ARHGEF28: variants seen among roughly 807,000 people sequenced by gnomAD.
ARHGEF28 encodes the protein Rho guanine nucleotide exchange factor 28.
In ARHGEF28, 152 loss-of-function variants were observed where a neutral mutation model predicts 206.6. That is an observed-to-expected ratio of 0.74 (90% CI 0.64 to 0.84). The LOEUF is 0.84. ARHGEF28 is among the 40% of genes least tolerant of loss of function. The probability of loss-of-function intolerance (pLI) is 0.00; values close to 1 mark genes in which losing one functional copy is unlikely to be tolerated. For synonymous variants in ARHGEF28, 763 were observed against 776.4 expected (o/e 0.98, Z 0.29); for missense variants, 2,028 against 2,073.2 (o/e 0.98, Z 0.42).
At chr5:73,773,805 A>C (rs1753377607) in intron 4 of ARHGEF28, 50 bp from the exon 5 acceptor site, 1 of 1,479,636 alleles carries the variant, frequency 6.8e-7, no homozygotes, top group Non-Finnish European at 9.0e-7. Flanking sequence ...TGTGTAAAAC[A>C]AACTTTGTAA....
At chr5:73,835,196 G>A in intron 10 of ARHGEF28, 1 of 152,474 alleles carries the variant, frequency 6.6e-6, no homozygotes, top group Non-Finnish European at 1.5e-5. Context: ...GACGGGCCGG[G>A]CACGGTGGCT....
At chr5:73,854,825 C>T (rs963866532) in intron 14 of ARHGEF28, among the ~76,000 whole-genome samples, 1 of 151,174 alleles carries the variant, frequency 6.6e-6, no homozygotes, top group Non-Finnish European at 1.5e-5. Context: ...GAGCCAGACT[C>T]CATCTCAAAA....
rs1381192976 is a variant in ARHGEF28 at position 73,662,603 on chromosome 5, A to G, written c.-11-22238A>G. The stretch of plus-strand genomic sequence containing the variant: ...TATACATTTTTAATTTTCTTCACAA[A>G]ATATTTGAAATATTAGAATACAACT... On this transcript the variant is annotated intron_variant, in intron 1 of 35. Transcript: ENST00000513042. 2.0e-5 allele frequency among the ~76,000 whole-genome samples: 3 copies of G among 152,236 alleles called. No homozygotes were observed. The East Asian group carries it at 5.8e-4, about 29-fold the overall frequency.
intron 9 of ARHGEF28, among the ~76,000 whole-genome samples, chr5:73,802,642 T>C (rs923116168): frequency 1.3e-5 from 2 of 152,024 alleles, no homozygotes; most frequent in African/African-American, 4.8e-5. Context: ...ATAGAAACTC[T>C]TAAGAAAGTG....
At chr5:73,628,606 G>T (rs982252244) in intron 1 of ARHGEF28, among the ~76,000 whole-genome samples, 1 of 152,034 alleles carries the variant, frequency 6.6e-6, no homozygotes, top group Admixed American at 6.5e-5. Flanking sequence ...TCCCCCCACC[G>T]GCCCCCGCCC....
At chr5:73,650,751 C>A (rs866670937) in intron 1 of ARHGEF28, among the ~76,000 whole-genome samples, 1 of 151,172 alleles carries the variant, frequency 6.6e-6, no homozygotes, top group Non-Finnish European at 1.5e-5. Context: ...CGGGTTCAAG[C>A]GATCCTCCCA....
chr5:73,788,931 T>TG (rs1355359476), intron 7 of ARHGEF28, among the ~76,000 whole-genome samples: 1 of 151,938 alleles, frequency 6.6e-6, no homozygotes, highest in Non-Finnish European at 1.5e-5. Flanking sequence ...TGGGCAGGGG[T>TG]GGGGGTTCAG....
intron 1 of ARHGEF28, among the ~76,000 whole-genome samples, chr5:73,661,834 C>T (rs571794272): frequency 1.9e-4 from 29 of 152,238 alleles, no homozygotes; most frequent in African/African-American, 7.0e-4. Flanking sequence ...GGTCATAGAT[C>T]ACCATGCCAG....
chr5:73,905,630 C>G (rs1030068707), intron 33 of ARHGEF28, among the ~76,000 whole-genome samples: 1 of 152,106 alleles, frequency 6.6e-6, no homozygotes, highest in Admixed American at 6.5e-5. Flanking sequence ...TCTCTGTCAT[C>G]AACTATTATT....
chr5:73,735,351 C>T (rs1455691788), intron 2 of ARHGEF28, among the ~76,000 whole-genome samples: 1 of 152,062 alleles, frequency 6.6e-6, no homozygotes, highest in African/African-American at 2.4e-5. Context: ...CTAAGATAGG[C>T]AGGCACTGTT....
intron 2 of ARHGEF28, among the ~76,000 whole-genome samples, chr5:73,749,270 G>C (rs879711702): frequency 7.9e-5 from 12 of 152,180 alleles, no homozygotes; most frequent in Non-Finnish European, 1.6e-4. Flanking sequence ...ACAGGGTGAG[G>C]CCAGAGCTAA....
chr5:73,765,212 G>T (rs1752829981), intron 4 of ARHGEF28, among the ~76,000 whole-genome samples: 1 of 152,172 alleles, frequency 6.6e-6, no homozygotes, highest in Admixed American at 6.5e-5. Context: ...GTGATTTCAT[G>T]GGCCAGATAT....
At chr5:73,721,345 C>T (rs1423316636) in intron 2 of ARHGEF28, among the ~76,000 whole-genome samples, 1 of 152,172 alleles carries the variant, frequency 6.6e-6, no homozygotes, top group Non-Finnish European at 1.5e-5. Context: ...TCTTGAGTCA[C>T]TGCCTACATG....
chr5:73,749,939 A>G lies in ARHGEF28; in HGVS notation c.136A>G (p.Ile46Val), dbSNP rs201946269. The change falls in exon 3 of 36, where the codon ATT becomes GTT. Residue 46 changes from isoleucine (I) to valine (V), a missense_variant. By Grantham distance (29) the Ile-to-Val change is conservative (BLOSUM62 3). Transcript: ENST00000513042. ...CGGATCTCATCAGCGACATGTCATG[A>G]TTGCAGAGCGCATCGAGGATAACGT... is the stretch of plus-strand genomic sequence containing the variant. ...YDGSHQRHVM[I>V]AERIEDNVLQ... 58 of 1,613,886 alleles carry G rather than the reference A, an allele frequency of 3.6e-5. No individual in the cohort carries two copies. The highest frequency in any genetic ancestry group is 4.7e-5 in the Non-Finnish European group (55 of 1,179,902).
intron 32 of ARHGEF28, 39 bp from the exon 33 acceptor site, chr5:73,904,319 C>A (rs746075788): frequency 1.2e-6 from 2 of 1,612,734 alleles, no homozygotes; most frequent in Middle Eastern, 1.7e-4. Context: ...ATAATGAAAG[C>A]TTTTTCAAGA....
At chr5:73,664,578 G>C (rs1745827045) in intron 1 of ARHGEF28, among the ~76,000 whole-genome samples, 2 of 152,180 alleles carry the variant, frequency 1.3e-5, no homozygotes, top group Non-Finnish European at 2.9e-5. Flanking sequence ...ACATTGCCTA[G>C]TATAATAGAG....
chr5:73,737,439 C>CTTCCTTTCTTTTCTTTTCTT (rs1751018419), intron 2 of ARHGEF28, among the ~76,000 whole-genome samples: 2 of 72,500 alleles, frequency 2.8e-5, no homozygotes, highest in Non-Finnish European at 5.9e-5. Context: ...AGCCCTCTTC[C>CTTCCTTTCTTTTCTTTTCTT]TTCTTTTCTT....
chr5:73,807,110 T>C (rs931303089), intron 9 of ARHGEF28, among the ~76,000 whole-genome samples: 1 of 150,640 alleles, frequency 6.6e-6, no homozygotes, highest in Admixed American at 6.6e-5. Context: ...CTGAAGTCCG[T>C]GGGTTCTTCC....
At chr5:73,860,794 G>A (rs1054512036) in intron 16 of ARHGEF28, among the ~76,000 whole-genome samples, 7 of 152,174 alleles carry the variant, frequency 4.6e-5, no homozygotes, top group African/African-American at 1.7e-4. Context: ...CTAAGTCCAA[G>A]CTCTTCCCAT....
Sources: allele counts gnomAD v4.1 joint callset (sites outside exome capture counted in the v4.1 genomes callset), GRCh38; gene constraint gnomAD v4.1.1; transcripts MANE v1.5; gene names NCBI Gene and HGNC (gene_info 2026-07-23, HGNC 2026-07-21).